The following WDR41 variants were observed in gnomAD, a reference collection of about 807,000 sequenced individuals.
WDR41 encodes WD repeat domain 41, also known as WD repeat-containing protein 41.
WDR41 carries 63 observed loss-of-function variants against 69.3 expected under a neutral mutation model. That is an observed-to-expected ratio of 0.91 (90% CI 0.74 to 1.12). WDR41 has a LOEUF of 1.12. WDR41 is among the 50% of genes most tolerant of loss of function. The pLI, the probability that WDR41 is intolerant of heterozygous loss-of-function variation, is 0.00. For synonymous variants in WDR41, 185 were observed against 192.1 expected, an observed-to-expected ratio of 0.96 and a Z score of 0.31; for missense variants, 543 against 534.5, an observed-to-expected ratio of 1.02 and a Z score of -0.16.
At chr5:77,615,150 T>C (rs1341605935) in intron 1 of WDR41, among the ~76,000 whole-genome samples, 2 of 152,184 alleles carry the variant, frequency 1.3e-5, no homozygotes, top group Non-Finnish European at 2.9e-5. Flanking sequence ...TCTACAAGTT[T>C]ATTAATGTCA....
At chr5:77,534,512 C>A (rs1033148789) in intron 1 of WDR41, among the ~76,000 whole-genome samples, 1 of 152,056 alleles carries the variant, frequency 6.6e-6, no homozygotes, top group African/African-American at 2.4e-5. Context: ...CGGCTCACTG[C>A]AACCTCCAAC....
At chr5:77,601,104 C>T (rs901851806) in intron 1 of WDR41, among the ~76,000 whole-genome samples, 1 of 151,976 alleles carries the variant, frequency 6.6e-6, no homozygotes, top group African/African-American at 2.4e-5. Context: ...AAATGTTTCT[C>T]TTGAAACCAA....
intron 2 of WDR41, among the ~76,000 whole-genome samples, chr5:77,485,891 A>G (rs182578247): frequency 1.3e-5 from 2 of 152,320 alleles, no homozygotes; most frequent in East Asian, 1.9e-4. Flanking sequence ...AAAATTTTCA[A>G]TAAGATGATA....
At chr5:77,501,096 G>C (rs114341375) in intron 1 of WDR41, among the ~76,000 whole-genome samples, 151 of 152,330 alleles carry the variant, frequency 9.9e-4, no homozygotes, top group African/African-American at 3.4e-3. Flanking sequence ...GAAGTGCAAG[G>C]GGTTGCAGGA....
At chr5:77,611,248 A>G (rs995674033) in intron 1 of WDR41, among the ~76,000 whole-genome samples, 8 of 152,228 alleles carry the variant, frequency 5.3e-5, no homozygotes, top group East Asian at 1.9e-4. Flanking sequence ...ACAGATCAAC[A>G]AGACAGAAAG....
chr5:77,504,156 G>T (rs990983780), intron 1 of WDR41, among the ~76,000 whole-genome samples: 2 of 151,596 alleles, frequency 1.3e-5, no homozygotes, highest in African/African-American at 4.9e-5. Context: ...AAAAAAAAGA[G>T]AAGAATCAAA....
intron 2 of WDR41, among the ~76,000 whole-genome samples, chr5:77,473,488 A>AT (rs1800732368): frequency 6.6e-6 from 1 of 152,236 alleles, no homozygotes; most frequent in Non-Finnish European, 1.5e-5. Flanking sequence ...AAAAGAAACT[A>AT]CCATCAGAGT....
intron 1 of WDR41, among the ~76,000 whole-genome samples, chr5:77,606,414 T>C (rs1003522804): frequency 4.6e-5 from 7 of 152,156 alleles, no homozygotes; most frequent in African/African-American, 1.4e-4. Context: ...CAGACATTAT[T>C]TAGTGCATTG....
intron 2 of WDR41, among the ~76,000 whole-genome samples, chr5:77,469,737 G>C (rs992700907): frequency 3.2e-5 from 3 of 93,718 alleles, no homozygotes; most frequent in African/African-American, 1.5e-4. Flanking sequence ...GAGAAAAAAA[G>C]GATAAAAAGA....
At position 77,437,006 on chromosome 5, in the gene WDR41, C is replaced by T. The variant is rs139329810; in HGVS notation, c.1093+330G>A. 6.8e-4 allele frequency among the ~76,000 whole-genome samples: 103 copies of T among 152,228 alleles called. 1 individual carries two copies. The East Asian group carries it at 6.9e-3, about 10-fold the overall frequency. On this transcript the variant is annotated intron_variant, in intron 11 of 12. Coordinates refer to ENST00000296679, the MANE Select transcript of WDR41 (RefSeq NM_018268.4). ...AAGAACACTTTGGTTTGACATCTGA[C>T]GGTACAAATTTTGTGTATCAGTCAG...
At chr5:77,608,768 G>A (rs1022309838) in intron 1 of WDR41, among the ~76,000 whole-genome samples, 4 of 152,314 alleles carry the variant, frequency 2.6e-5, no homozygotes, top group African/African-American at 7.2e-5. Context: ...CTGAGGTACC[G>A]GGTTCATCTC....
intron 1 of WDR41, among the ~76,000 whole-genome samples, chr5:77,509,543 G>A (rs1481089845): frequency 6.6e-6 from 1 of 152,166 alleles, no homozygotes; most frequent in African/African-American, 2.4e-5. Flanking sequence ...ACTGACACAG[G>A]CTGCGACATT....
intron 9 of WDR41, among the ~76,000 whole-genome samples, chr5:77,440,253 AG>A (rs1355080907): frequency 2.0e-5 from 3 of 152,218 alleles, no homozygotes; most frequent in Non-Finnish European, 4.4e-5. Flanking sequence ...ACATTTTCTG[AG>A]CCCCTGATGC....
intron 4 of WDR41, among the ~76,000 whole-genome samples, chr5:77,462,148 G>T (rs1800096374): frequency 6.6e-6 from 1 of 152,040 alleles, no homozygotes; most frequent in South Asian, 2.1e-4. Flanking sequence ...AGTGGCTCAT[G>T]CCTATAATCC....
At chr5:77,474,527 G>A (rs999682204) in intron 2 of WDR41, among the ~76,000 whole-genome samples, 68 of 152,190 alleles carry the variant, frequency 4.5e-4, no homozygotes, top group Non-Finnish European at 7.6e-4. Flanking sequence ...ATAGGGACTT[G>A]TAAAGGAGTT....
chr5:77,480,359 A>G (rs1323626918), intron 2 of WDR41, among the ~76,000 whole-genome samples: 1 of 152,142 alleles, frequency 6.6e-6, no homozygotes, highest in East Asian at 1.9e-4. Flanking sequence ...ATGCTGCTAT[A>G]AAGACACATG....
chr5:77,522,302 A>G (rs1366817044), intron 1 of WDR41, among the ~76,000 whole-genome samples: 3 of 152,220 alleles, frequency 2.0e-5, no homozygotes, highest in African/African-American at 7.2e-5. Flanking sequence ...AAAAGCCTTG[A>G]GGAAGATAGC....
chr5:77,609,699 G>C (rs1008603382), intron 1 of WDR41, among the ~76,000 whole-genome samples: 3 of 152,056 alleles, frequency 2.0e-5, no homozygotes, highest in Admixed American at 1.3e-4. Context: ...AAACCACAAA[G>C]ATGGGGAAAA....
intron 1 of WDR41, among the ~76,000 whole-genome samples, chr5:77,526,855 G>A (rs1581786298): frequency 6.6e-6 from 1 of 152,020 alleles, no homozygotes; most frequent in East Asian, 1.9e-4. Flanking sequence ...CAATGCTAAC[G>A]TGATGATTGG....
Sources: gnomAD v4.1 joint callset for allele counts (sites outside exome capture counted in the v4.1 genomes callset) on GRCh38, gnomAD v4.1.1 for gene constraint, MANE v1.5 for transcripts, NCBI Gene and HGNC (gene_info 2026-07-23, HGNC 2026-07-21) for gene names.